BACE2: variants seen among roughly 807,000 people sequenced by gnomAD.
BACE2 encodes the protein 56 kDa aspartic-like protease.
Under a neutral mutation model 46.2 loss-of-function variants are expected in BACE2, and 17 were observed. The observed-to-expected ratio is 0.37, with a 90% confidence interval of 0.25 to 0.55. The LOEUF is 0.55. BACE2 is among the 20% of genes least tolerant of loss of function. The pLI is 0.82. For synonymous variants in BACE2, 277 were observed against 295.9 expected, an observed-to-expected ratio of 0.94 and a Z score of 0.66; for missense variants, 595 against 698.1, an observed-to-expected ratio of 0.85 and a Z score of 1.66.
At chr21:41,249,968 G>A (rs900372044) in intron 6 of BACE2, among the ~76,000 whole-genome samples, 1 of 152,182 alleles carries the variant, frequency 6.6e-6, no homozygotes, top group African/African-American at 2.4e-5. Context: ...GTCCCTGGAT[G>A]CCATTTATTT....
At chr21:41,189,214 G>A (rs1985482829) in intron 1 of BACE2, among the ~76,000 whole-genome samples, 1 of 151,146 alleles carries the variant, frequency 6.6e-6, no homozygotes, top group Admixed American at 6.6e-5. Context: ...AAAAATGCTG[G>A]GCACTTGGTG....
At chr21:41,240,221 G>A (rs560866037) in intron 3 of BACE2, among the ~76,000 whole-genome samples, 1 of 152,304 alleles carries the variant, frequency 6.6e-6, no homozygotes, top group African/African-American at 2.4e-5. Flanking sequence ...GTCAGGTTGT[G>A]TGGTGGCCCC....
At chr21:41,196,349 A>G (rs925348963) in intron 1 of BACE2, among the ~76,000 whole-genome samples, 6 of 151,976 alleles carry the variant, frequency 3.9e-5, no homozygotes, top group African/African-American at 1.4e-4. Flanking sequence ...GAGAAATCCA[A>G]TTCTGGAAGT....
At chr21:41,253,335 G>A (rs1006447319) in intron 7 of BACE2, among the ~76,000 whole-genome samples, 1 of 151,760 alleles carries the variant, frequency 6.6e-6, no homozygotes, top group East Asian at 1.9e-4. Flanking sequence ...CCAGCTACCT[G>A]GGAGGCTAAG....
intron 7 of BACE2, among the ~76,000 whole-genome samples, chr21:41,254,116 G>A (rs983235682): frequency 3.9e-5 from 6 of 152,178 alleles, no homozygotes; most frequent in African/African-American, 1.4e-4. Flanking sequence ...CCTAATAAGT[G>A]GGCAAACGAT....
chr21:41,240,328 G>T (rs1987250470), intron 3 of BACE2, among the ~76,000 whole-genome samples: 2 of 152,238 alleles, frequency 1.3e-5, no homozygotes, highest in South Asian at 4.1e-4. Flanking sequence ...GCTGAATCAG[G>T]TTCTCTCAGG....
intron 1 of BACE2, among the ~76,000 whole-genome samples, chr21:41,221,045 A>T (rs149597174): frequency 1.6e-4 from 8 of 48,696 alleles, no homozygotes; most frequent in East Asian, 2.5e-4. Flanking sequence ...AAAGTATATT[A>T]AAAAAAAAAA....
At chr21:41,273,049 GC>G (rs2088449403) in intron 8 of BACE2, among the ~76,000 whole-genome samples, 1 of 152,172 alleles carries the variant, frequency 6.6e-6, no homozygotes, top group African/African-American at 2.4e-5. Flanking sequence ...GGTTCGTGAT[GC>G]CCCCTGAGCT....
At position 41,275,170 on chromosome 21, in the gene BACE2, G is replaced by A. The variant is rs188371694; in HGVS notation, c.1304-201G>A. Among the ~76,000 whole-genome samples the A allele has an allele frequency of 2.8e-4, 42 of 152,188 alleles. 2 individuals are homozygous for A. The South Asian group carries it at 4.6e-3, about 17-fold the overall frequency. On this transcript the variant is annotated intron_variant, in intron 8 of 8. Coordinates refer to ENST00000330333, the MANE Select transcript of BACE2 (RefSeq NM_012105.5). Reference sequence around the variant, plus strand: ...GTACCCACACACCTTAAAACATGCCGTCGTTCCAGTTTGCAGGGACTGGAC... The same window carrying A: ...GTACCCACACACCTTAAAACATGCCATCGTTCCAGTTTGCAGGGACTGGAC...
intron 6 of BACE2, among the ~76,000 whole-genome samples, chr21:41,247,666 C>T (rs1035848158): frequency 1.3e-5 from 2 of 152,176 alleles, no homozygotes; most frequent in African/African-American, 4.8e-5. Context: ...GGCGGCGGGG[C>T]CGTGGGGCGC....
rs1285652316 is a variant in BACE2, at chr21:41,237,744, T to C, written c.618+15T>C. 6.3e-7 allele frequency: 1 copy of C among 1,599,142 alleles called. No homozygotes were observed. On this transcript the variant is annotated intron_variant, in intron 3 of 8. Coordinates refer to ENST00000330333, the MANE Select transcript of BACE2 (RefSeq NM_012105.5). ...CACTTGCCAAGGTAAGGCTAATCCA[T>C]GGATTTAAGGAAATCAAATAACAGG...
At chr21:41,275,277 G>A in intron 8 of BACE2, 94 bp from the exon 9 acceptor site, 2 of 1,545,376 alleles carry the variant, frequency 1.3e-6, no homozygotes, top group Non-Finnish European at 1.8e-6. Context: ...GACTTTAACT[G>A]TGGTTTAATA....
chr21:41,252,491 G>T (rs909552962), intron 7 of BACE2: 3 of 152,184 alleles, frequency 2.0e-5, no homozygotes, highest in African/African-American at 7.2e-5. Context: ...ATATTTTCTG[G>T]TCTGCTCATC....
chr21:41,241,898 G>T lies in BACE2; in HGVS notation c.698G>T (p.Cys233Phe). The change falls in exon 4 of 9, where the codon TGT (cysteine) becomes TTT (phenylalanine). Residue 233 changes from cysteine (C) to phenylalanine (F), a missense_variant. Transcript: ENST00000330333. Reference sequence around the variant, plus strand: ...CCCAACGTTTTCTCCATGCAGATGTGTGGAGCCGGCTTGCCCGTTGCTGGA... The same window carrying T: ...CCCAACGTTTTCTCCATGCAGATGTTTGGAGCCGGCTTGCCCGTTGCTGGA... ...NIPNVFSMQM[C>F]GAGLPVAGSG... 4 of 1,614,208 alleles carry T rather than the reference G, an allele frequency of 2.5e-6. No individual in the cohort carries two copies. The highest frequency in any genetic ancestry group is 3.4e-6 in the Non-Finnish European group (4 of 1,180,030).
intron 1 of BACE2, among the ~76,000 whole-genome samples, chr21:41,211,997 C>T (rs1986316920): frequency 6.6e-6 from 1 of 152,238 alleles, no homozygotes; most frequent in African/African-American, 2.4e-5. Context: ...GCCGAGGAGG[C>T]TCTTAGCTTT....
intron 2 of BACE2, among the ~76,000 whole-genome samples, chr21:41,231,087 G>A (rs1260964643): frequency 1.3e-5 from 2 of 152,180 alleles, no homozygotes; most frequent in Non-Finnish European, 2.9e-5. Flanking sequence ...CTTCTTTAAG[G>A]AGGCTAAACT....
intron 1 of BACE2, among the ~76,000 whole-genome samples, chr21:41,187,607 T>G (rs1020275238): frequency 1.3e-5 from 2 of 152,218 alleles, no homozygotes; most frequent in Non-Finnish European, 2.9e-5. Context: ...CATGAAAGCC[T>G]CTGTGAGTTT....
intron 1 of BACE2, among the ~76,000 whole-genome samples, chr21:41,215,550 T>G (rs939979710): frequency 3.3e-5 from 5 of 152,232 alleles, no homozygotes; most frequent in Non-Finnish European, 5.9e-5. Flanking sequence ...GCCAGTGATT[T>G]TCAAGGTAGA....
At chr21:41,253,026 A>G (rs1322566911) in intron 7 of BACE2, among the ~76,000 whole-genome samples, 1 of 152,226 alleles carries the variant, frequency 6.6e-6, no homozygotes, top group African/African-American at 2.4e-5. Context: ...TTAACTATAA[A>G]GGAGAAACAA....
Sources: allele counts gnomAD v4.1 joint callset (sites outside exome capture counted in the v4.1 genomes callset), GRCh38; gene constraint gnomAD v4.1.1; transcripts MANE v1.5; gene names NCBI Gene and HGNC (gene_info 2026-07-23, HGNC 2026-07-21).